Variants in GOLM2 observed in about 807,000 individuals in gnomAD.
GOLM2 encodes the protein protein GOLM2.
GOLM2 carries 26 observed loss-of-function variants against 55.9 expected under a neutral mutation model. The observed-to-expected ratio is 0.47, with a 90% CI of 0.34 to 0.65. The LOEUF is 0.65. Among genes scored for constraint, GOLM2 ranks in the 30% least tolerant of loss-of-function variants. The pLI is 0.01. For missense variants in GOLM2, 486 were observed against 531.8 expected (o/e 0.91, Z 0.85); for synonymous variants, 165 against 194.6 (o/e 0.85, Z 1.27).
chr15:44,342,254 A>G (rs1175234243), intron 6 of GOLM2, among the ~76,000 whole-genome samples: 1 of 147,614 alleles, frequency 6.8e-6, no homozygotes. Flanking sequence ...TTTTTTTTTT[A>G]CTTTTATTTT....
intron 8 of GOLM2, among the ~76,000 whole-genome samples, chr15:44,384,777 C>T (rs911485546): frequency 3.2e-4 from 49 of 151,506 alleles, no homozygotes; most frequent in African/African-American, 1.2e-3. Flanking sequence ...GGCGTGGTGG[C>T]GCATGCCTGT....
At chr15:44,366,997 G>A (rs1052567332) in intron 6 of GOLM2, among the ~76,000 whole-genome samples, 4 of 152,216 alleles carry the variant, frequency 2.6e-5, no homozygotes, top group African/African-American at 7.2e-5. Flanking sequence ...CTAACAAATT[G>A]CCAGTCTTGA....
intron 6 of GOLM2, among the ~76,000 whole-genome samples, chr15:44,364,988 C>A (rs1341031667): frequency 6.6e-6 from 1 of 152,146 alleles, no homozygotes; most frequent in East Asian, 1.9e-4. Flanking sequence ...CAGTTTCTTA[C>A]AAAATTAAAC....
At chr15:44,375,229 C>G (rs2079356938) in intron 6 of GOLM2, among the ~76,000 whole-genome samples, 1 of 152,188 alleles carries the variant, frequency 6.6e-6, no homozygotes, top group Non-Finnish European at 1.5e-5. Flanking sequence ...CCATGTTGGC[C>G]AGGCTGGTTT....
intron 1 of GOLM2, among the ~76,000 whole-genome samples, chr15:44,316,443 G>A (rs1431848419): frequency 1.3e-5 from 2 of 152,142 alleles, no homozygotes; most frequent in African/African-American, 2.4e-5. Context: ...GCTCTCAGAG[G>A]AAGGGTTAAA....
At chr15:44,320,335 G>A (rs2078940496) in intron 1 of GOLM2, among the ~76,000 whole-genome samples, 1 of 151,818 alleles carries the variant, frequency 6.6e-6, no homozygotes, top group Non-Finnish European at 1.5e-5. Context: ...GTCTTGCTCT[G>A]TCTCCCAGGC....
intron 6 of GOLM2, among the ~76,000 whole-genome samples, chr15:44,345,246 A>T (rs966814124): frequency 2.7e-5 from 4 of 150,914 alleles, no homozygotes; most frequent in African/African-American, 9.8e-5. Flanking sequence ...AGTAGCTGGG[A>T]TTACAGGTGC....
chr15:44,295,947 C>T (rs927000386), intron 1 of GOLM2, among the ~76,000 whole-genome samples: 1 of 151,194 alleles, frequency 6.6e-6, no homozygotes, highest in Non-Finnish European at 1.5e-5. Context: ...CACACACACA[C>T]AGACACCCTT....
intron 6 of GOLM2, among the ~76,000 whole-genome samples, chr15:44,338,784 G>A (rs189961570): frequency 3.1e-4 from 47 of 152,212 alleles, no homozygotes; most frequent in Admixed American, 2.1e-3. Flanking sequence ...CTTTTGGATA[G>A]TTTGTTTAAC....
chr15:44,316,776 G>T (rs540003280), intron 1 of GOLM2, among the ~76,000 whole-genome samples: 114 of 148,868 alleles, frequency 7.7e-4, no homozygotes, highest in African/African-American at 2.7e-3. Flanking sequence ...AAACAAAAAA[G>T]AGCTAAAAGA....
intron 4 of GOLM2, among the ~76,000 whole-genome samples, chr15:44,332,284 C>T (rs191540637): frequency 3.3e-5 from 5 of 152,142 alleles, no homozygotes; most frequent in South Asian, 2.1e-4. Flanking sequence ...TGGTCGGGCA[C>T]GGTGGTTCAC....
At chr15:44,296,478 G>GC (rs1261684308) in intron 1 of GOLM2, among the ~76,000 whole-genome samples, 1 of 152,090 alleles carries the variant, frequency 6.6e-6, no homozygotes, top group Non-Finnish European at 1.5e-5. Context: ...TGGGGAAAAG[G>GC]TCATATGTCA....
chr15:44,307,625 A>G (rs1361347178), intron 1 of GOLM2: 1 of 152,210 alleles, frequency 6.6e-6, no homozygotes, highest in African/African-American at 2.4e-5. Flanking sequence ...GGAAAGTTGA[A>G]TACCATGTGG....
intron 8 of GOLM2, among the ~76,000 whole-genome samples, chr15:44,394,934 T>G (rs1037189594): frequency 6.6e-6 from 1 of 152,202 alleles, no homozygotes; most frequent in African/African-American, 2.4e-5. Flanking sequence ...TCTCTCTAGG[T>G]TTATTGTAAC....
intron 6 of GOLM2, among the ~76,000 whole-genome samples, chr15:44,342,176 A>C (rs576479936): frequency 2.6e-5 from 4 of 152,218 alleles, no homozygotes; most frequent in Admixed American, 6.5e-5. Context: ...CGTTAATGTA[A>C]AAAATGTCAC....
chr15:44,314,822 T>G (rs2141123483), intron 1 of GOLM2, among the ~76,000 whole-genome samples: 1 of 152,314 alleles, frequency 6.6e-6, no homozygotes, highest in Non-Finnish European at 1.5e-5. Flanking sequence ...GGTATATGAC[T>G]GAGGACACAG....
intron 1 of GOLM2, among the ~76,000 whole-genome samples, chr15:44,310,098 G>A (rs1211189355): frequency 6.6e-6 from 1 of 152,016 alleles, no homozygotes; most frequent in Non-Finnish European, 1.5e-5. Context: ...TGGCCAAGCT[G>A]GTCTGAAACT....
rs560892143 is a variant in GOLM2 at position 44,328,725 on chromosome 15, A to C, written c.423A>C (p.Glu141Asp). ...TTCGTCAGGAATTTCTTCGACAAGA[A>C]GACCAGCTTCAGGACTATAGGAAGA... is the stretch of plus-strand genomic sequence containing the variant. Reference protein sequence around the residue: ...AELRQEFLRQEDQLQDYRKNN... With the variant: ...AELRQEFLRQDDQLQDYRKNN... The change falls in exon 3 of 10, where the codon GAA becomes GAC. Residue 141 changes from glutamate (E) to aspartate (D), a missense_variant. Coordinates refer to ENST00000299957, the MANE Select transcript of GOLM2 (RefSeq NM_138423.4). 6.2e-7 allele frequency: 1 copy of C among 1,613,454 alleles called. No homozygotes were observed. Among genetic ancestry groups the C allele is most frequent in the East Asian group, 2.2e-5 (1 of 44,828 alleles).
At chr15:44,311,468 CT>C (rs879704600) in intron 1 of GOLM2, among the ~76,000 whole-genome samples, 48 of 145,564 alleles carry the variant, frequency 3.3e-4, no homozygotes, top group East Asian at 4.0e-4. Flanking sequence ...GATTGCTTTT[CT>C]TTTTTTTTTT....
Sources: allele counts gnomAD v4.1 joint callset (sites outside exome capture counted in the v4.1 genomes callset), GRCh38; gene constraint gnomAD v4.1.1; transcripts MANE v1.5; gene names NCBI Gene and HGNC (gene_info 2026-07-23, HGNC 2026-07-21).